Variants in NMNAT3 observed in about 807,000 individuals in gnomAD.
The protein encoded by NMNAT3 is nicotinamide nucleotide adenylyltransferase 3.
Under a neutral mutation model 24.8 loss-of-function variants are expected in NMNAT3, and 21 were observed. The observed-to-expected ratio is 0.85, with a 90% CI of 0.60 to 1.22. The LOEUF is 1.22. NMNAT3 is among the 50% of genes most tolerant of loss of function. NMNAT3 has a pLI of 0.00. For missense variants in NMNAT3, 387 were observed against 436.6 expected (o/e 0.89, Z 1.01); for synonymous variants, 136 against 155.2 (o/e 0.88, Z 0.92).
intron 3 of NMNAT3, among the ~76,000 whole-genome samples, chr3:139,591,412 A>T (rs1342986894): frequency 6.6e-6 from 1 of 152,042 alleles, no homozygotes; most frequent in African/African-American, 2.4e-5. Flanking sequence ...GCCATTGCCC[A>T]GGCTTGCTTA....
upstream of NMNAT3, chr3:139,677,976 G>A (rs957677582): frequency 1.3e-5 from 2 of 152,172 alleles, no homozygotes; most frequent in African/African-American, 2.4e-5. Context: ...GGAGTCTGAG[G>A]GAAACAGATC....
intron 3 of NMNAT3, chr3:139,584,586 T>TA (rs1274652087): frequency 2.0e-5 from 3 of 152,230 alleles, no homozygotes; most frequent in African/African-American, 7.2e-5. Context: ...ATCCATGACT[T>TA]ATTTAGAAGT....
At chr3:139,612,194 A>T (rs1224915703) in intron 3 of NMNAT3, among the ~76,000 whole-genome samples, 1 of 150,208 alleles carries the variant, frequency 6.7e-6, no homozygotes, top group African/African-American at 2.4e-5. Context: ...TGCATAGAGG[A>T]TACATTCTGG....
At chr3:139,584,356 A>T (rs1268081457) in intron 3 of NMNAT3, 2 of 160,180 alleles carry the variant, frequency 1.2e-5, no homozygotes, top group Non-Finnish European at 2.9e-5. Flanking sequence ...TGAGGGAGGA[A>T]GGGGAACCCG....
At chr3:139,575,925 A>G (rs922307198) in intron 5 of NMNAT3, 231 of 1,287,916 alleles carry the variant, frequency 1.8e-4, no homozygotes, top group Non-Finnish European at 2.3e-4. Flanking sequence ...AGCTCCACAG[A>G]TGGGAGCTCC....
chr3:139,634,924 C>G (rs1366657451), intron 2 of NMNAT3: 1 of 152,158 alleles, frequency 6.6e-6, no homozygotes, highest in African/African-American at 2.4e-5. Flanking sequence ...TTTCAACACA[C>G]CTGGAAGGGA....
At chr3:139,586,379 G>A (rs1023920810) in intron 3 of NMNAT3, among the ~76,000 whole-genome samples, 1 of 152,096 alleles carries the variant, frequency 6.6e-6, no homozygotes, top group African/African-American at 2.4e-5. Flanking sequence ...CAAAATAAAA[G>A]TTTAAAAAAG....
chr3:139,606,468 T>A (rs969014545), intron 3 of NMNAT3, among the ~76,000 whole-genome samples: 8 of 152,228 alleles, frequency 5.3e-5, no homozygotes, highest in Admixed American at 1.3e-4. Context: ...ATATTAACTT[T>A]GATACTTGGT....
chr3:139,667,821 C>T (rs2057632165), intron 1 of NMNAT3, among the ~76,000 whole-genome samples: 1 of 152,170 alleles, frequency 6.6e-6, no homozygotes, highest in Admixed American at 6.5e-5. Flanking sequence ...AAGGAGGTAG[C>T]AGAAACAATC....
chr3:139,618,810 T>C (rs2108282312), intron 3 of NMNAT3, among the ~76,000 whole-genome samples: 1 of 152,304 alleles, frequency 6.6e-6, no homozygotes, highest in African/African-American at 2.4e-5. Context: ...ATCAGCTGGC[T>C]GTGGGTAGCA....
chr3:139,660,793 A>G (rs1176740177), intron 1 of NMNAT3, among the ~76,000 whole-genome samples: 2 of 151,346 alleles, frequency 1.3e-5, no homozygotes, highest in Admixed American at 6.6e-5. Flanking sequence ...GGCTATTTTG[A>G]TAAGGAAAAA....
At chr3:139,590,154 A>T (rs2054102418) in intron 3 of NMNAT3, among the ~76,000 whole-genome samples, 1 of 152,180 alleles carries the variant, frequency 6.6e-6, no homozygotes, top group African/African-American at 2.4e-5. Context: ...TACTAAGAAG[A>T]GTTTTAGAGA....
intron 6 of NMNAT3, among the ~76,000 whole-genome samples, chr3:139,563,083 A>G (rs1471447688): frequency 6.6e-6 from 1 of 152,172 alleles, no homozygotes. Context: ...CTACCACTCT[A>G]TTCATAGAAA....
chr3:139,672,053 G>C (rs1236673210), intron 1 of NMNAT3, among the ~76,000 whole-genome samples: 4 of 152,124 alleles, frequency 2.6e-5, no homozygotes, highest in African/African-American at 9.7e-5. Context: ...CTGATATCAG[G>C]GCTGCTGATG....
chr3:139,628,611 C>G (rs1360642350), intron 2 of NMNAT3, among the ~76,000 whole-genome samples: 6 of 152,188 alleles, frequency 3.9e-5, no homozygotes, highest in Non-Finnish European at 5.9e-5. Flanking sequence ...TCTGGTCTCA[C>G]CCTGTTGAGG....
At chr3:139,565,098 C>T (rs1936976061) in intron 6 of NMNAT3, among the ~76,000 whole-genome samples, 1 of 152,062 alleles carries the variant, frequency 6.6e-6, no homozygotes, top group Admixed American at 6.6e-5. Context: ...ATCATCAAAA[C>T]CTTTTATGTA....
chr3:139,667,339 T>C (rs1218720081), intron 1 of NMNAT3, among the ~76,000 whole-genome samples: 4 of 152,264 alleles, frequency 2.6e-5, no homozygotes, highest in African/African-American at 9.6e-5. Flanking sequence ...GGTTTTGATT[T>C]GCATTTCCCT....
intron 6 of NMNAT3, chr3:139,566,628 C>T (rs958330605): frequency 6.6e-6 from 1 of 152,052 alleles, no homozygotes; most frequent in Non-Finnish European, 1.5e-5. Context: ...GAATCCTTTC[C>T]CCATTGCTTG....
chr3:139,614,123 T>A (rs566688825), intron 3 of NMNAT3, among the ~76,000 whole-genome samples: 11 of 151,718 alleles, frequency 7.3e-5, no homozygotes, highest in Admixed American at 2.0e-4. Context: ...GTACCCTAAA[T>A]CTTAAAGTAT....
Sources: allele counts gnomAD v4.1 joint callset (sites outside exome capture counted in the v4.1 genomes callset), GRCh38; gene constraint gnomAD v4.1.1; transcripts MANE v1.5; gene names NCBI Gene and HGNC (gene_info 2026-07-23, HGNC 2026-07-21).